BCL11B: variants seen among roughly 807,000 people sequenced by gnomAD.
BCL11B encodes B-cell lymphoma/leukemia 11B.
In BCL11B, 8 loss-of-function variants were observed where a neutral mutation model predicts 49.9. The ratio of observed to expected loss-of-function variants is 0.16; its 90% CI spans 0.09 to 0.29. The LOEUF is 0.29. BCL11B is among the 10% of genes least tolerant of loss of function. The probability of loss-of-function intolerance (pLI) is 1.00; values close to 1 mark genes in which losing one functional copy is unlikely to be tolerated. For synonymous variants in BCL11B, 739 were observed against 637.4 expected, an observed-to-expected ratio of 1.16 and a Z score of -2.40; for missense variants, 1,006 against 1,351.0, an observed-to-expected ratio of 0.74 and a Z score of 4.00.
intron 3 of BCL11B, among the ~76,000 whole-genome samples, chr14:99,221,346 C>T (rs555875487): frequency 6.6e-6 from 1 of 152,318 alleles, no homozygotes; most frequent in African/African-American, 2.4e-5. Context: ...TTAAAATGTC[C>T]AGTTTTATGA....
At chr14:99,208,563 A>AGACCGAGCACGG (rs1887599798) in intron 3 of BCL11B, among the ~76,000 whole-genome samples, 1 of 152,190 alleles carries the variant, frequency 6.6e-6, no homozygotes, top group Admixed American at 6.5e-5. Flanking sequence ...AACCCAAGCA[A>AGACCGAGCACGG]GACCGAGCAC....
At chr14:99,201,680 T>C (rs774458857) in intron 3 of BCL11B, among the ~76,000 whole-genome samples, 5 of 152,178 alleles carry the variant, frequency 3.3e-5, no homozygotes, top group Admixed American at 1.3e-4. Flanking sequence ...ATCCCAGAAG[T>C]GTCTCCTTGC....
intron 2 of BCL11B, among the ~76,000 whole-genome samples, chr14:99,254,568 G>A (rs1180351698): frequency 6.6e-6 from 1 of 152,238 alleles, no homozygotes; most frequent in Non-Finnish European, 1.5e-5. Context: ...ACTCCTCTGA[G>A]CCTGGACAGC....
At chr14:99,224,063 A>G (rs768009178) in intron 3 of BCL11B, among the ~76,000 whole-genome samples, 7 of 152,242 alleles carry the variant, frequency 4.6e-5, no homozygotes, top group African/African-American at 7.2e-5. Context: ...CCCTCAGTCC[A>G]GCCCAGGGTC....
chr14:99,246,850 TGGAA>T (rs1888859009), intron 2 of BCL11B, among the ~76,000 whole-genome samples: 1 of 151,784 alleles, frequency 6.6e-6, no homozygotes, highest in Non-Finnish European at 1.5e-5. Flanking sequence ...CTGCTGGAGA[TGGAA>T]GGAAGTGAGA....
At chr14:99,199,639 G>A (rs1018027465) in intron 3 of BCL11B, among the ~76,000 whole-genome samples, 6 of 115,074 alleles carry the variant, frequency 5.2e-5, no homozygotes, top group African/African-American at 2.0e-4. Context: ...CTGGCTAAAT[G>A]CTGTGTGTGT....
chr14:99,258,535 A>G (rs1889242174), intron 1 of BCL11B, among the ~76,000 whole-genome samples: 1 of 152,200 alleles, frequency 6.6e-6, no homozygotes, highest in Admixed American at 6.5e-5. Flanking sequence ...GCCCGTCCTT[A>G]GGAGAGAAGG....
chr14:99,215,602 C>G (rs890004868), intron 3 of BCL11B, among the ~76,000 whole-genome samples: 3 of 152,198 alleles, frequency 2.0e-5, no homozygotes, highest in African/African-American at 4.8e-5. Context: ...TGTAAAATAC[C>G]AAGGCACGTT....
At chr14:99,233,864 C>T (rs533742165) in intron 2 of BCL11B, among the ~76,000 whole-genome samples, 16 of 152,212 alleles carry the variant, frequency 1.1e-4, no homozygotes, top group East Asian at 7.7e-4. Flanking sequence ...CTCCAGGGAC[C>T]GGCTCAACTG....
rs1030488724 is a variant in BCL11B, at chr14:99,169,850, C to T, written c.*4301G>A. ...TTAGAGTAATTCAGTCTCCTTCTCT[C>T]CCCATGAAAGACCCTCTAATGCCAA... On this transcript the variant is annotated 3_prime_UTR_variant, in exon 4 of 4. Transcript: ENST00000357195. The T allele has an allele frequency of 3.1e-5, 7 of 228,110 alleles. No homozygotes were observed. Among genetic ancestry groups the T allele is most frequent in the Non-Finnish European group, 6.1e-5 (7 of 114,530 alleles). 14.1% of individuals were successfully genotyped at this position (228,110 alleles called of 1,614,324 possible).
intron 3 of BCL11B, among the ~76,000 whole-genome samples, chr14:99,210,892 AC>A (rs1887668853): frequency 6.6e-6 from 1 of 152,120 alleles, no homozygotes; most frequent in Non-Finnish European, 1.5e-5. Flanking sequence ...TGGAGAAGAC[AC>A]CTTCCCCTCT....
Position 99,194,352 on chromosome 14 carries a change from G to A in BCL11B, c.641-18157C>T, listed in dbSNP as rs899443685. ...CACCCAGTTCTGGTAAGATGGGCCC[G>A]CCAAGGAGCCAGTGCTCCTGGACAA... On this transcript the variant is annotated intron_variant, in intron 3 of 3. Transcript: ENST00000357195. This position sits in a 1 kb window ranked among gnomAD's most constrained non-coding sequence, Gnocchi z 4.6. Among the ~76,000 whole-genome samples, 12 of 152,360 alleles carry A rather than the reference G, an allele frequency of 7.9e-5. No individual in the cohort carries two copies. The highest frequency in any genetic ancestry group is 2.1e-4 in the South Asian group (1 of 4,832).
intron 1 of BCL11B, among the ~76,000 whole-genome samples, chr14:99,259,067 G>A (rs1289311116): frequency 6.6e-6 from 1 of 152,138 alleles, no homozygotes; most frequent in Non-Finnish European, 1.5e-5. Context: ...CTCGGGGTCT[G>A]AGCAAATTCG....
In BCL11B at chr14:99,205,311, G is replaced by A. The variant is rs992330880; in HGVS notation, c.640+26034C>T. ...CTCAGACCCTGAAAATGAGCATCCG[G>A]GGACAGTCCCTAACTGAGACGGCCC... On this transcript the variant is annotated intron_variant, in intron 3 of 3. Transcript: ENST00000357195. The surrounding 1 kb of genome is among the most constrained non-coding windows in gnomAD (Gnocchi z 5.0). 2.0e-5 allele frequency among the ~76,000 whole-genome samples: 3 copies of A among 152,160 alleles called. No homozygotes were observed. Among genetic ancestry groups the A allele is most frequent in the Admixed American group, 6.5e-5 (1 of 15,280 alleles).
At chr14:99,191,174 T>C (rs537243385) in intron 3 of BCL11B, among the ~76,000 whole-genome samples, 2 of 150,234 alleles carry the variant, frequency 1.3e-5, no homozygotes, top group African/African-American at 4.9e-5. Context: ...CCTGCGGCAA[T>C]ATTTGGAGAT....
intron 3 of BCL11B, among the ~76,000 whole-genome samples, chr14:99,180,593 A>G (rs555785597): frequency 6.6e-6 from 1 of 152,338 alleles, no homozygotes; most frequent in Admixed American, 6.5e-5. Flanking sequence ...CCTCATCAGT[A>G]GAATGGGAAT....
intron 3 of BCL11B, among the ~76,000 whole-genome samples, chr14:99,198,686 T>TGCACCTTCC (rs142605005): frequency 1.1e-4 from 17 of 151,926 alleles, no homozygotes; most frequent in South Asian, 2.1e-4. Context: ...CCAAACAGAG[T>TGCACCTTCC]GCACCTTCCG....
intron 2 of BCL11B, among the ~76,000 whole-genome samples, chr14:99,255,338 A>C (rs1301660303): frequency 6.6e-6 from 1 of 151,442 alleles, no homozygotes; most frequent in South Asian, 2.1e-4. Context: ...CTGAACAGAA[A>C]GGCCAAGAAT....
intron 3 of BCL11B, among the ~76,000 whole-genome samples, chr14:99,217,093 C>G (rs1457454758): frequency 1.3e-5 from 2 of 152,168 alleles, no homozygotes; most frequent in Non-Finnish European, 1.5e-5. Context: ...CCCCCACATT[C>G]ACACACTGAC....
Sources: allele counts gnomAD v4.1 joint callset (sites outside exome capture counted in the v4.1 genomes callset), GRCh38; gene constraint gnomAD v4.1.1; non-coding constraint Gnocchi (gnomAD v3.1); transcripts MANE v1.5; gene names NCBI Gene and HGNC (gene_info 2026-07-23, HGNC 2026-07-21).